Variants in KIAA0586 observed in about 807,000 individuals in gnomAD.
KIAA0586 encodes KIAA0586, also known as protein TALPID3.
Under a neutral mutation model 169.8 loss-of-function variants are expected in KIAA0586, and 144 were observed. The ratio of observed to expected loss-of-function variants is 0.85; its 90% CI spans 0.74 to 0.97. The LOEUF (loss-of-function observed/expected upper bound fraction) is 0.97. Among genes scored for constraint, KIAA0586 ranks in the 50% least tolerant of loss-of-function variants. The probability of loss-of-function intolerance (pLI) is 0.00; values close to 1 mark genes in which losing one functional copy is unlikely to be tolerated. For synonymous variants in KIAA0586, 625 were observed against 612.4 expected (o/e 1.02, Z -0.30); for missense variants, 1,854 against 1,823.0 (o/e 1.02, Z -0.31).
At chr14:58,488,963 C>G in intron 24 of KIAA0586, 89 bp downstream of exon 24, 6 of 1,362,172 alleles carry the variant, frequency 4.4e-6, no homozygotes, top group Non-Finnish European at 6.0e-6. Flanking sequence ...TTTTACTTAA[C>G]TTTCAAGATT....
rs559134348 is a variant in KIAA0586 at position 58,542,879 on chromosome 14, C to T, written c.4495+2743C>T. Among the ~76,000 whole-genome samples the T allele has an allele frequency of 1.4e-4, 21 of 152,238 alleles. No homozygotes were observed. In the East Asian group the frequency reaches 4.1e-3, roughly 29 times the overall value. Reference sequence around the variant, plus strand: ...GAAGTCAGCCGGGCGTGGTGGCTCACACCTGTAATCCCAGCACTTTGGGAG... The same window carrying T: ...GAAGTCAGCCGGGCGTGGTGGCTCATACCTGTAATCCCAGCACTTTGGGAG... On this transcript the variant is annotated intron_variant, in intron 30 of 30. Coordinates refer to ENST00000652326, the MANE Select transcript of KIAA0586 (RefSeq NM_001329943.3).
At chr14:58,491,343 A>G (rs1164175140) in intron 25 of KIAA0586, among the ~76,000 whole-genome samples, 1 of 152,246 alleles carries the variant, frequency 6.6e-6, no homozygotes, top group Non-Finnish European at 1.5e-5. Flanking sequence ...CAAATACAAT[A>G]GTACAATCTG....
At chr14:58,441,511 T>C (rs929248453) in intron 4 of KIAA0586, among the ~76,000 whole-genome samples, 2 of 152,156 alleles carry the variant, frequency 1.3e-5, no homozygotes, top group Non-Finnish European at 2.9e-5. Flanking sequence ...GATAATGTTA[T>C]AATTCTTATA....
chr14:58,552,748 T>C (rs2047222436), downstream of KIAA0586, among the ~76,000 whole-genome samples: 1 of 152,182 alleles, frequency 6.6e-6, no homozygotes, highest in African/African-American at 2.4e-5. Flanking sequence ...CAGGAATACA[T>C]GCACCCCAGG....
chr14:58,435,518 A>G (rs1017862790), intron 4 of KIAA0586, among the ~76,000 whole-genome samples: 6 of 152,142 alleles, frequency 3.9e-5, no homozygotes, highest in South Asian at 2.1e-4. Context: ...ATTGTTAACT[A>G]TACTCATCCT....
chr14:58,531,649 G>C (rs1341943727), intron 29 of KIAA0586, among the ~76,000 whole-genome samples: 1 of 152,170 alleles, frequency 6.6e-6, no homozygotes, highest in East Asian at 1.9e-4. Flanking sequence ...TCTAGAACCA[G>C]AAATACCATT....
chr14:58,493,647 G>A (rs1426510310), intron 26 of KIAA0586, among the ~76,000 whole-genome samples: 1 of 152,160 alleles, frequency 6.6e-6, no homozygotes, highest in Non-Finnish European at 1.5e-5. Flanking sequence ...GGGAAAAAAT[G>A]AAGGCTTAAC....
intron 29 of KIAA0586, among the ~76,000 whole-genome samples, chr14:58,528,424 C>T (rs2045739835): frequency 6.6e-6 from 1 of 152,210 alleles, no homozygotes; most frequent in Non-Finnish European, 1.5e-5. Flanking sequence ...CCACATCACA[C>T]TTATTCTAAA....
chr14:58,441,613 A>G (rs1031861120), intron 4 of KIAA0586, among the ~76,000 whole-genome samples: 13 of 152,136 alleles, frequency 8.5e-5, no homozygotes, highest in African/African-American at 3.1e-4. Flanking sequence ...GTTCACAGTC[A>G]GTTACAGACC....
At position 58,482,580 on chromosome 14, in the gene KIAA0586, GATTA is replaced by G; in HGVS notation, c.3014_3017del (p.Ile1005AsnfsTer71). On this transcript the variant is annotated frameshift_variant, in exon 21 of 31. Transcript: ENST00000652326. LOFTEE classifies it high-confidence loss of function. ...CTGGTGTTCCTGTGAACTCAAATGT[GATTA>G]AACATTTTGTTAACGAAGCTCTTGC... The G allele has an allele frequency of 6.2e-7, 1 of 1,604,628 alleles. No homozygotes were observed. The highest frequency in any genetic ancestry group is 8.5e-7 in the Non-Finnish European group (1 of 1,174,890).
intron 29 of KIAA0586, among the ~76,000 whole-genome samples, chr14:58,528,547 AACTC>A (rs1318197909): frequency 1.3e-5 from 2 of 152,250 alleles, no homozygotes; most frequent in African/African-American, 4.8e-5. Context: ...AGGATTAACA[AACTC>A]ACTCAAAACG....
At chr14:58,499,789 C>T (rs2043428038) in intron 27 of KIAA0586, among the ~76,000 whole-genome samples, 1 of 151,644 alleles carries the variant, frequency 6.6e-6, no homozygotes, top group African/African-American at 2.4e-5. Context: ...GAACTCCTGA[C>T]CTCAGGTGAT....
At chr14:58,551,693 G>A (rs1424446198), downstream of KIAA0586, among the ~76,000 whole-genome samples, 1 of 152,084 alleles carries the variant, frequency 6.6e-6, no homozygotes, top group Non-Finnish European at 1.5e-5. Flanking sequence ...TTGAACCCAG[G>A]AGGCGGAGGT....
intron 29 of KIAA0586, among the ~76,000 whole-genome samples, chr14:58,525,290 T>A (rs2139932864): frequency 6.6e-6 from 1 of 152,042 alleles, no homozygotes; most frequent in Non-Finnish European, 1.5e-5. Flanking sequence ...ACAGGAACAA[T>A]TCCATTGTGC....
In KIAA0586 at chr14:58,548,067, C is replaced by A; in HGVS notation, c.*135C>A. The A allele has an allele frequency of 4.7e-6, 5 of 1,054,044 alleles. No homozygotes were observed. Among genetic ancestry groups the A allele is most frequent in the Non-Finnish European group, 5.3e-6 (4 of 752,912 alleles). 65.3% of individuals were successfully genotyped at this position (1,054,044 alleles called of 1,614,324 possible). On this transcript the variant is annotated 3_prime_UTR_variant, in exon 31 of 31. Transcript: ENST00000652326. ...AAAATTCCAATATTTTAAAATAAAA[C>A]AAAAAGCATAATTTGGGTATTTAAA... is the stretch of plus-strand genomic sequence containing the variant.
chr14:58,465,726 C>T (rs2040706068), intron 14 of KIAA0586, 109 bp from the exon 15 acceptor site: 1 of 670,244 alleles, frequency 1.5e-6, no homozygotes, highest in Non-Finnish European at 2.4e-6. Flanking sequence ...GCCTTGTAAC[C>T]TTATATAGAA....
At chr14:58,453,560 T>C (rs1045060219) in intron 9 of KIAA0586, 87 bp downstream of exon 9, 3 of 853,826 alleles carry the variant, frequency 3.5e-6, no homozygotes, top group Non-Finnish European at 5.2e-6. Flanking sequence ...TAATAAATTA[T>C]AGCATTGCTT....
chr14:58,432,140 T>C (rs2037427464), intron 3 of KIAA0586, among the ~76,000 whole-genome samples: 2 of 152,256 alleles, frequency 1.3e-5, no homozygotes, highest in South Asian at 4.1e-4. Context: ...ATCCTTGTCT[T>C]GTTCTAGTTC....
At chr14:58,512,731 T>C (rs909750137) in intron 29 of KIAA0586, 104 bp downstream of exon 29, 2 of 661,232 alleles carry the variant, frequency 3.0e-6, no homozygotes, top group Non-Finnish European at 5.0e-6. Context: ...GCTCTCTAGG[T>C]TTTTGTTTTC....
Sources: gnomAD v4.1 joint callset for allele counts (sites outside exome capture counted in the v4.1 genomes callset) on GRCh38, gnomAD v4.1.1 for gene constraint, MANE v1.5 for transcripts, NCBI Gene and HGNC (gene_info 2026-07-23, HGNC 2026-07-21) for gene names.